The following IL4R variants were observed in gnomAD, a reference collection of about 807,000 sequenced individuals.
IL4R encodes the protein interleukin-4 receptor subunit alpha.
A neutral mutation model predicts 41.5 loss-of-function variants in IL4R; 17 were observed. The ratio of observed to expected loss-of-function variants is 0.41; its 90% CI spans 0.28 to 0.61. The LOEUF is 0.61. Among genes scored for constraint, IL4R ranks in the 20% least tolerant of loss-of-function variants. IL4R has a pLI of 0.31. For missense variants in IL4R, 974 were observed against 1,043.1 expected (o/e 0.93, Z 0.91); for synonymous variants, 402 against 422.9 (o/e 0.95, Z 0.61).
intron 1 of IL4R, among the ~76,000 whole-genome samples, chr16:27,325,402 T>G (rs1307317849): frequency 1.3e-5 from 2 of 151,992 alleles, no homozygotes; most frequent in African/African-American, 4.8e-5. Context: ...CAAAACCCTG[T>G]GTCTGCTAAA....
intron 1 of IL4R, among the ~76,000 whole-genome samples, chr16:27,314,432 G>A (rs978012541): frequency 3.9e-5 from 6 of 152,244 alleles, no homozygotes; most frequent in African/African-American, 1.2e-4. Context: ...TCTGAGAACT[G>A]TAAATTTGAG....
intron 2 of IL4R, 138 bp from the exon 3 acceptor site, chr16:27,340,048 C>A: frequency 1.6e-6 from 1 of 621,644 alleles, no homozygotes; most frequent in Non-Finnish European, 2.9e-6. Context: ...CAGAGCGAGA[C>A]TCTGTCTCGG....
At chr16:27,328,328 C>G (rs1221645743) in intron 1 of IL4R, among the ~76,000 whole-genome samples, 1 of 150,966 alleles carries the variant, frequency 6.6e-6, no homozygotes, top group Non-Finnish European at 1.5e-5. Context: ...ATTGCAGCCT[C>G]TGCCTCTTGG....
At chr16:27,344,211 G>A (rs1391862444) in intron 4 of IL4R, among the ~76,000 whole-genome samples, 4 of 151,712 alleles carry the variant, frequency 2.6e-5, no homozygotes, top group Non-Finnish European at 4.4e-5. Flanking sequence ...AGGCTGAGGC[G>A]GGAGAATTGC....
At position 27,362,276 on chromosome 16, in the gene IL4R, G is replaced by A. The variant is rs1053336034; in HGVS notation, c.924G>A (p.Lys308=). The A allele has an allele frequency of 6.2e-7, 1 of 1,613,992 alleles. No homozygotes were observed. Among genetic ancestry groups the A allele is most frequent in the African/African-American group, 1.3e-5 (1 of 74,930 alleles). Residue 308 remains lysine, a synonymous_variant, in exon 11 of 11, where the codon AAG becomes AAA. Transcript: ENST00000395762. ...GACACTGGAAGAATTGTCTTACCAA[G>A]CTCTTGCCCTGTTTTCTGGAGCACA... ...KCPHWKNCLT[K]LLPCFLEHNM...
intron 1 of IL4R, among the ~76,000 whole-genome samples, chr16:27,317,388 A>C (rs2084679169): frequency 6.6e-6 from 1 of 151,940 alleles, no homozygotes; most frequent in African/African-American, 2.4e-5. Context: ...GTACCAGTTC[A>C]CTGGGGTGAC....
intron 1 of IL4R, 24 bp downstream of exon 1, chr16:27,314,044 G>T: frequency 2.0e-6 from 2 of 985,078 alleles, no homozygotes; most frequent in Non-Finnish European, 2.4e-6. Flanking sequence ...CCCGCGCGCG[G>T]ATCGGGTTGC....
intron 1 of IL4R, among the ~76,000 whole-genome samples, chr16:27,315,905 G>A (rs912530966): frequency 5.9e-5 from 9 of 152,180 alleles, no homozygotes; most frequent in African/African-American, 2.2e-4. Context: ...TACAACACAT[G>A]CAGTTACCGG....
intron 1 of IL4R, among the ~76,000 whole-genome samples, chr16:27,326,980 GC>G (rs2084973093): frequency 6.6e-6 from 1 of 152,184 alleles, no homozygotes; most frequent in African/African-American, 2.4e-5. Context: ...AGAAGTGCAT[GC>G]CTAGCTTCCT....
At chr16:27,320,990 C>T (rs1311112575) in intron 1 of IL4R, among the ~76,000 whole-genome samples, 1 of 150,700 alleles carries the variant, frequency 6.6e-6, no homozygotes, top group African/African-American at 2.4e-5. Flanking sequence ...GCTGCCCAGG[C>T]TGGAGTGCAG....
chr16:27,339,435 G>A (rs1355223789), intron 2 of IL4R, among the ~76,000 whole-genome samples: 1 of 152,098 alleles, frequency 6.6e-6, no homozygotes, highest in Non-Finnish European at 1.5e-5. Flanking sequence ...GGAGGGCTCT[G>A]TCTGTGTTAG....
At chr16:27,329,061 C>T (rs1464533435) in intron 1 of IL4R, among the ~76,000 whole-genome samples, 1 of 152,040 alleles carries the variant, frequency 6.6e-6, no homozygotes, top group African/African-American at 2.4e-5. Context: ...GGACGGGTCC[C>T]TCATGGTTTG....
chr16:27,321,349 A>C (rs1184382296), intron 1 of IL4R, among the ~76,000 whole-genome samples: 1 of 152,140 alleles, frequency 6.6e-6, no homozygotes, highest in Non-Finnish European at 1.5e-5. Context: ...CAGACTACAC[A>C]ACTGTAGTTA....
chr16:27,349,505 G>C (rs1430566269), intron 6 of IL4R, among the ~76,000 whole-genome samples: 1 of 152,162 alleles, frequency 6.6e-6, no homozygotes, highest in African/African-American at 2.4e-5. Flanking sequence ...AGAAGGGAAC[G>C]GTAGACCAGG....
rs2085403176 is a variant in IL4R at position 27,340,402 on chromosome 16, A to G, written c.70+129A>G. On this transcript the variant is annotated intron_variant, in intron 3 of 10. Coordinates refer to ENST00000395762, the MANE Select transcript of IL4R (RefSeq NM_000418.4). ...GGACAGCCAATGACAAGTGGCCCTG[A>G]TTATCAGTAAATTCTAAAGATTGTT... 4.4e-6 allele frequency: 3 copies of G among 686,610 alleles called. No homozygotes were observed. The East Asian group carries it at 8.3e-5, about 19-fold the overall frequency. 42.5% of individuals were successfully genotyped at this position (686,610 alleles called of 1,614,324 possible). A position where few individuals can be genotyped will look rare whatever the true frequency, so the allele number is the denominator to read the frequency against.
At chr16:27,347,113 G>T (rs905849751) in intron 6 of IL4R, among the ~76,000 whole-genome samples, 1 of 152,194 alleles carries the variant, frequency 6.6e-6, no homozygotes, top group African/African-American at 2.4e-5. Flanking sequence ...ACTTTCCCAA[G>T]AAAACAAGAT....
chr16:27,362,201 G>A (rs376827772), intron 10 of IL4R, 51 bp from the exon 11 acceptor site: 8 of 1,576,640 alleles, frequency 5.1e-6, no homozygotes, highest in Admixed American at 1.7e-5. Context: ...AGAATGAATA[G>A]GAGTTTTTCA....
At chr16:27,319,449 A>G (rs1335963225) in intron 1 of IL4R, among the ~76,000 whole-genome samples, 1 of 152,138 alleles carries the variant, frequency 6.6e-6, no homozygotes, top group Non-Finnish European at 1.5e-5. Flanking sequence ...TGGTGTTTAA[A>G]CACAATAAAA....
chr16:27,315,974 G>A (rs1325781292), intron 1 of IL4R, among the ~76,000 whole-genome samples: 1 of 152,182 alleles, frequency 6.6e-6, no homozygotes, highest in African/African-American at 2.4e-5. Context: ...TGACTGATAT[G>A]TTTAATACAA....
Sources: gnomAD v4.1 joint callset for allele counts (sites outside exome capture counted in the v4.1 genomes callset) on GRCh38, gnomAD v4.1.1 for gene constraint, MANE v1.5 for transcripts, NCBI Gene and HGNC (gene_info 2026-07-23, HGNC 2026-07-21) for gene names.